Variants in MB21D2 observed in about 807,000 individuals in gnomAD.
MB21D2 encodes Mab-21 domain containing 2, also known as nucleotidyltransferase MB21D2.
MB21D2 carries 9 observed loss-of-function variants against 33.3 expected under a neutral mutation model. The observed-to-expected ratio is 0.27, with a 90% CI of 0.16 to 0.47. The LOEUF (loss-of-function observed/expected upper bound fraction) is 0.47. MB21D2 is among the 20% of genes least tolerant of loss of function. The pLI is 0.99. For synonymous variants in MB21D2, 241 were observed against 236.3 expected, an observed-to-expected ratio of 1.02 and a Z score of -0.18; for missense variants, 540 against 624.6, an observed-to-expected ratio of 0.86 and a Z score of 1.44.
intron 1 of MB21D2, among the ~76,000 whole-genome samples, chr3:192,801,308 G>C (rs1001363445): frequency 3.9e-5 from 6 of 152,110 alleles, no homozygotes; most frequent in Non-Finnish European, 8.8e-5. Flanking sequence ...TTATTTAACA[G>C]TGTTTCCCCA....
intron 1 of MB21D2, among the ~76,000 whole-genome samples, chr3:192,911,934 A>G (rs1001500723): frequency 1.3e-5 from 2 of 152,238 alleles, no homozygotes; most frequent in African/African-American, 4.8e-5. Context: ...TTCCAAGCAC[A>G]TGGAGGCCCA....
At chr3:192,815,605 A>G (rs1711903789) in intron 1 of MB21D2, among the ~76,000 whole-genome samples, 1 of 149,582 alleles carries the variant, frequency 6.7e-6, no homozygotes, top group African/African-American at 2.6e-5. Context: ...AAGATCTTGA[A>G]GAGCTGAGAT....
At chr3:192,880,908 T>C (rs948797409) in intron 1 of MB21D2, among the ~76,000 whole-genome samples, 1 of 152,154 alleles carries the variant, frequency 6.6e-6, no homozygotes, top group Non-Finnish European at 1.5e-5. Flanking sequence ...TTTCAGATTA[T>C]AGAAAAATCA....
intron 1 of MB21D2, among the ~76,000 whole-genome samples, chr3:192,817,522 C>T (rs1244103106): frequency 6.6e-6 from 1 of 152,184 alleles, no homozygotes; most frequent in African/African-American, 2.4e-5. Context: ...TTACAGGACT[C>T]AATCATGACA....
Position 192,917,779 on chromosome 3 carries a change from G to T in MB21D2, c.62C>A (p.Ala21Glu), listed in dbSNP as rs1054385758. 1 of 1,613,642 alleles carries T rather than the reference G, an allele frequency of 6.2e-7. No individual in the cohort carries two copies. Among genetic ancestry groups the T allele is most frequent in the African/African-American group, 1.3e-5 (1 of 74,930 alleles). Reference sequence around the variant, plus strand: ...CGACCTGAAATCCAGCTCCGGGAACGCAGGCTTGTTGTTACAGCCCAGGGA... The same window carrying T: ...CGACCTGAAATCCAGCTCCGGGAACTCAGGCTTGTTGTTACAGCCCAGGGA... ...AASLGCNNKP[A>E]FPELDFRSGA... Residue 21 changes from alanine (A) to glutamate (E), a missense_variant, in exon 1 of 2, where the codon GCG (alanine) becomes GAG (glutamate). Transcript: ENST00000392452.
At chr3:192,836,971 A>G (rs1195087720) in intron 1 of MB21D2, among the ~76,000 whole-genome samples, 1 of 152,214 alleles carries the variant, frequency 6.6e-6, no homozygotes, top group Non-Finnish European at 1.5e-5. Flanking sequence ...CAGATGATAC[A>G]AAACACCAAA....
intron 1 of MB21D2, among the ~76,000 whole-genome samples, chr3:192,917,064 C>T (rs1714482489): frequency 6.6e-6 from 1 of 152,228 alleles, no homozygotes; most frequent in Admixed American, 6.5e-5. Context: ...ACTACTTCAG[C>T]GGGTTACTCG....
At chr3:192,915,065 C>G (rs899037390) in intron 1 of MB21D2, among the ~76,000 whole-genome samples, 1 of 152,156 alleles carries the variant, frequency 6.6e-6, no homozygotes. Flanking sequence ...GAGGCTTGCA[C>G]CCAATTCGTG....
Position 192,798,363 on chromosome 3 carries a change from GAA to G in MB21D2, c.*21_*22del, listed in dbSNP as rs750758341. Reference sequence around the variant, plus strand: ...CACATTATCAGAGTTTAAGAATCAGGAAAAAAAAAAGTCAGCTAACACTCAGA... The same window carrying G: ...CACATTATCAGAGTTTAAGAATCAGGAAAAAAAAGTCAGCTAACACTCAGA... On this transcript the variant is annotated 3_prime_UTR_variant, in exon 2 of 2. Coordinates refer to ENST00000392452, the MANE Select transcript of MB21D2 (RefSeq NM_178496.4). The surrounding 1 kb of genome is among the most constrained non-coding windows in gnomAD (Gnocchi z 4.8). The G allele has an allele frequency of 2.0e-6, 3 of 1,466,594 alleles. No individual in the cohort carries two copies. Among genetic ancestry groups the G allele is most frequent in the South Asian group, 1.2e-5 (1 of 82,550 alleles). The allele number at this position is 1,466,594 out of a possible 1,614,324, so 90.8% of individuals were successfully genotyped here.
intron 1 of MB21D2, among the ~76,000 whole-genome samples, chr3:192,901,052 C>G (rs187835172): frequency 1.2e-3 from 179 of 152,114 alleles, no homozygotes; most frequent in African/African-American, 4.2e-3. Context: ...AAAATAACTA[C>G]AGATGGAGAA....
At chr3:192,902,441 A>G (rs540937592) in intron 1 of MB21D2, among the ~76,000 whole-genome samples, 1 of 152,324 alleles carries the variant, frequency 6.6e-6, no homozygotes, top group African/African-American at 2.4e-5. Flanking sequence ...CGGACAGGTA[A>G]CAGTACTCTC....
At chr3:192,835,947 C>A (rs1434185516) in intron 1 of MB21D2, among the ~76,000 whole-genome samples, 1 of 152,062 alleles carries the variant, frequency 6.6e-6, no homozygotes, top group Non-Finnish European at 1.5e-5. Flanking sequence ...ACCATCATAT[C>A]CTCCCTCTCT....
At chr3:192,910,298 CAAAAAAAAAAAAA>C (rs747554734) in intron 1 of MB21D2, among the ~76,000 whole-genome samples, 1 of 52,288 alleles carries the variant, frequency 1.9e-5, no homozygotes, top group African/African-American at 5.0e-5. Context: ...ACCATCTCTA[CAAAAAAAAAAAAA>C]AAAAAAAAAT....
intron 1 of MB21D2, among the ~76,000 whole-genome samples, chr3:192,810,826 T>G (rs1405306013): frequency 6.6e-6 from 1 of 152,174 alleles, no homozygotes; most frequent in African/African-American, 2.4e-5. Flanking sequence ...AATTAATAGT[T>G]CCTATTATTA....
intron 1 of MB21D2, among the ~76,000 whole-genome samples, chr3:192,914,275 T>C (rs143952799): frequency 5.1e-4 from 77 of 152,330 alleles, no homozygotes; most frequent in African/African-American, 1.8e-3. Flanking sequence ...CAAAAGTCTA[T>C]GTGAAGTTCC....
chr3:192,860,449 G>A (rs1713017754), intron 1 of MB21D2, among the ~76,000 whole-genome samples: 1 of 152,112 alleles, frequency 6.6e-6, no homozygotes, highest in Admixed American at 6.5e-5. Context: ...TATTTCAAAA[G>A]GAGAAATGTC....
At chr3:192,911,641 CCTAA>C (rs141774653) in intron 1 of MB21D2, among the ~76,000 whole-genome samples, 1,737 of 152,114 alleles carry the variant, frequency 0.011, 40 homozygotes, top group African/African-American at 0.04. Context: ...AGGGGCTCAG[CCTAA>C]CTGTGAGCAA....
At chr3:192,881,121 T>C (rs992753344) in intron 1 of MB21D2, among the ~76,000 whole-genome samples, 1 of 152,164 alleles carries the variant, frequency 6.6e-6, no homozygotes, top group African/African-American at 2.4e-5. Flanking sequence ...TTCATCTTAA[T>C]ATCCTTCAGT....
At chr3:192,871,022 T>C (rs545885284) in intron 1 of MB21D2, among the ~76,000 whole-genome samples, 3 of 152,182 alleles carry the variant, frequency 2.0e-5, no homozygotes, top group African/African-American at 4.8e-5. Context: ...AATTGTAACA[T>C]GGGGATAAGG....
Sources: gnomAD v4.1 joint callset for allele counts (sites outside exome capture counted in the v4.1 genomes callset) on GRCh38, gnomAD v4.1.1 for gene constraint, Gnocchi (gnomAD v3.1) non-coding constraint, MANE v1.5 for transcripts, NCBI Gene and HGNC (gene_info 2026-07-23, HGNC 2026-07-21) for gene names.